Variants in GALNT10 observed in about 807,000 individuals in gnomAD.
The protein encoded by GALNT10 is GalNAc transferase 10.
Under a neutral mutation model 75.0 loss-of-function variants are expected in GALNT10, and 41 were observed. The ratio of observed to expected loss-of-function variants is 0.55; its 90% CI spans 0.43 to 0.71. The LOEUF is 0.71. Among genes scored for constraint, GALNT10 ranks in the 30% least tolerant of loss-of-function variants. The pLI is 0.00. For synonymous variants in GALNT10, 302 were observed against 313.0 expected (o/e 0.96, Z 0.37); for missense variants, 727 against 818.5 (o/e 0.89, Z 1.36).
chr5:154,403,615 G>T (rs527954891), intron 7 of GALNT10, among the ~76,000 whole-genome samples: 17 of 152,326 alleles, frequency 1.1e-4, no homozygotes, highest in Middle Eastern at 3.4e-3. Flanking sequence ...CTTATGCTGT[G>T]GCTGATGTCA....
chr5:154,335,595 C>A (rs963149484), intron 4 of GALNT10, among the ~76,000 whole-genome samples: 1 of 152,160 alleles, frequency 6.6e-6, no homozygotes, highest in African/African-American at 2.4e-5. Flanking sequence ...CACTTGGAGG[C>A]AATTAGTATT....
intron 8 of GALNT10, among the ~76,000 whole-genome samples, chr5:154,408,612 T>A (rs536405166): frequency 2.0e-4 from 31 of 152,142 alleles, no homozygotes; most frequent in African/African-American, 7.2e-4. Flanking sequence ...CCTCACCTGC[T>A]GCCTCTGCTT....
intron 10 of GALNT10, 61 bp downstream of exon 10, chr5:154,413,066 G>A: frequency 9.6e-7 from 1 of 1,036,292 alleles, no homozygotes; most frequent in South Asian, 1.3e-5. Context: ...AGCCTGGGGT[G>A]CTGACACGGC....
intron 1 of GALNT10, among the ~76,000 whole-genome samples, chr5:154,206,328 C>A (rs13158398): frequency 0.054 from 8,149 of 152,298 alleles, 345 homozygotes; most frequent in African/African-American, 0.11. Flanking sequence ...ACTGTATTAT[C>A]CTTTTGTTCT....
chr5:154,229,351 C>T (rs1479790091), intron 1 of GALNT10, among the ~76,000 whole-genome samples: 2 of 152,170 alleles, frequency 1.3e-5, no homozygotes, highest in African/African-American at 4.8e-5. Flanking sequence ...GCATAGTATG[C>T]TCTACCTCTC....
At chr5:154,261,246 A>G (rs1332434530) in intron 1 of GALNT10, among the ~76,000 whole-genome samples, 1 of 150,736 alleles carries the variant, frequency 6.6e-6, no homozygotes, top group African/African-American at 2.5e-5. Context: ...CTGATGGCTC[A>G]TAAGTAGGTT....
intron 6 of GALNT10, among the ~76,000 whole-genome samples, chr5:154,384,098 G>T (rs1421949386): frequency 6.6e-6 from 1 of 152,176 alleles, no homozygotes; most frequent in African/African-American, 2.4e-5. Flanking sequence ...TCACTATCAT[G>T]AGAACAGCAG....
chr5:154,199,191 C>T (rs539117404), intron 1 of GALNT10, among the ~76,000 whole-genome samples: 116 of 152,232 alleles, frequency 7.6e-4, no homozygotes, highest in Non-Finnish European at 9.9e-4. Flanking sequence ...CCTAGGGAGC[C>T]TGTTAAGGAT....
rs1296735753 is a variant in GALNT10, at chr5:154,352,506, A to G, written c.568+22768A>G. ...ATATTATCCCCATTTTGCCCATGAA[A>G]ACCCTGCAGCTGGGAGAGGTTAAGT... On this transcript the variant is annotated intron_variant, in intron 4 of 11. Coordinates refer to ENST00000297107, the MANE Select transcript of GALNT10 (RefSeq NM_198321.4). This position sits in a 1 kb window ranked among gnomAD's most constrained non-coding sequence, Gnocchi z 4.4. Among the ~76,000 whole-genome samples the G allele has an allele frequency of 2.6e-5, 4 of 152,124 alleles. No homozygotes were observed. The highest frequency in any genetic ancestry group is 9.7e-5 in the African/African-American group (4 of 41,428).
intron 1 of GALNT10, among the ~76,000 whole-genome samples, chr5:154,268,902 C>T (rs1753815452): frequency 1.3e-5 from 2 of 152,024 alleles, no homozygotes; most frequent in African/African-American, 4.8e-5. Flanking sequence ...TTTGGGAGGC[C>T]AAGGCGAAAG....
In GALNT10 at chr5:154,376,535, G is replaced by A; in HGVS notation, c.754+73G>A. The A allele has an allele frequency of 3.6e-6, 4 of 1,117,054 alleles. No homozygotes were observed. Among genetic ancestry groups the A allele is most frequent in the Non-Finnish European group, 5.1e-6 (4 of 781,930 alleles). The allele number at this position is 1,117,054 out of a possible 1,614,324, so 69.2% of individuals were successfully genotyped here. A position where few individuals can be genotyped will look rare whatever the true frequency, so the allele number is the denominator to read the frequency against. On this transcript the variant is annotated intron_variant, in intron 5 of 11. Coordinates refer to ENST00000297107, the MANE Select transcript of GALNT10 (RefSeq NM_198321.4). This position sits in a 1 kb window ranked among gnomAD's most constrained non-coding sequence, Gnocchi z 4.1. ...GTGCCAGTGGCCCCCTCCTGCTGCA[G>A]GGAGCCATCCATAAGCCTTCCCTTG...
rs770121388 is a variant in GALNT10, at chr5:154,380,521, C to A, written c.828C>A (p.Tyr276Ter). ...TAATTGACCATGACGACTTTCGGTACGAGACACAGGCAGGGGATGCCATGC... is the reference window on the plus strand; with the variant it reads ...TAATTGACCATGACGACTTTCGGTAAGAGACACAGGCAGGGGATGCCATGC... ...IDVIDHDDFR[Y>*]ETQAGDAMRG... The change falls in exon 6 of 12, where the codon TAC (tyrosine) becomes TAA (stop). Residue 276 changes from tyrosine (Y) to a stop codon, truncating the protein, a stop_gained. Transcript: ENST00000297107. LOFTEE classifies it high-confidence loss of function. The A allele has an allele frequency of 6.2e-7, 1 of 1,613,844 alleles. No individual in the cohort carries two copies. Among genetic ancestry groups the A allele is most frequent in the Non-Finnish European group, 8.5e-7 (1 of 1,179,768 alleles).
intron 1 of GALNT10, among the ~76,000 whole-genome samples, chr5:154,260,770 T>C (rs1314633361): frequency 6.6e-6 from 1 of 152,216 alleles, no homozygotes. Flanking sequence ...CATAATGTAA[T>C]GCTCTTTTAA....
chr5:154,201,801 C>T (rs978381084), intron 1 of GALNT10, among the ~76,000 whole-genome samples: 3 of 152,084 alleles, frequency 2.0e-5, no homozygotes, highest in Admixed American at 2.0e-4. Flanking sequence ...TAGTGGCGCA[C>T]TCCTGTAATC....
intron 1 of GALNT10, among the ~76,000 whole-genome samples, chr5:154,231,538 G>T (rs975880964): frequency 7.9e-5 from 12 of 152,072 alleles, no homozygotes; most frequent in South Asian, 2.1e-4. Context: ...GTTTATTTTT[G>T]ATTTTATTTT....
rs190198045 is a variant in GALNT10, at chr5:154,246,612, G to A, written c.160-48204G>A. On this transcript the variant is annotated intron_variant, in intron 1 of 11. Coordinates refer to ENST00000297107, the MANE Select transcript of GALNT10 (RefSeq NM_198321.4). Reference sequence around the variant, plus strand: ...TTTGGCTGTATAAATGTCTTCTTTTGAGAAGTGTCTGTTCATATCCTTCGA... The same window carrying A: ...TTTGGCTGTATAAATGTCTTCTTTTAAGAAGTGTCTGTTCATATCCTTCGA... Among the ~76,000 whole-genome samples the A allele has an allele frequency of 6.8e-3, 1,029 of 152,322 alleles. 3 individuals carry two copies. The highest frequency in any genetic ancestry group is 9.8e-3 in the Non-Finnish European group (665 of 68,034).
At chr5:154,252,516 G>A (rs1430880254) in intron 1 of GALNT10, among the ~76,000 whole-genome samples, 2 of 151,936 alleles carry the variant, frequency 1.3e-5, no homozygotes, top group African/African-American at 4.8e-5. Context: ...GCATTAAGAT[G>A]TTTACTACCA....
intron 1 of GALNT10, among the ~76,000 whole-genome samples, chr5:154,237,151 T>G (rs904348028): frequency 1.3e-5 from 2 of 152,162 alleles, no homozygotes; most frequent in Non-Finnish European, 2.9e-5. Flanking sequence ...ATGAGTTAAG[T>G]GTGGCACCAA....
At chr5:154,374,861 T>G (rs1405563338) in intron 4 of GALNT10, among the ~76,000 whole-genome samples, 1 of 152,240 alleles carries the variant, frequency 6.6e-6, no homozygotes, top group Non-Finnish European at 1.5e-5. Context: ...GGCAGGAGTA[T>G]CTGGTAGAAA....
Sources: gnomAD v4.1 joint callset for allele counts (sites outside exome capture counted in the v4.1 genomes callset) on GRCh38, gnomAD v4.1.1 for gene constraint, Gnocchi (gnomAD v3.1) non-coding constraint, MANE v1.5 for transcripts, NCBI Gene and HGNC (gene_info 2026-07-23, HGNC 2026-07-21) for gene names.